Variants in TMIE observed in about 807,000 individuals in gnomAD.
TMIE encodes transmembrane inner ear.
TMIE carries 14 observed loss-of-function variants against 16.8 expected under a neutral mutation model. The observed-to-expected ratio is 0.83, with a 90% CI of 0.55 to 1.30. The LOEUF is 1.30. Ranked by LOEUF, TMIE falls within the 50% of genes most tolerant of loss-of-function variation. TMIE has a pLI of 0.00. For missense variants in TMIE, 204 were observed against 205.9 expected, an observed-to-expected ratio of 0.99 and a Z score of 0.06; for synonymous variants, 75 against 87.2, an observed-to-expected ratio of 0.86 and a Z score of 0.78.
intron 2 of TMIE, among the ~76,000 whole-genome samples, chr3:46,707,354 G>A (rs572295687): frequency 5.9e-5 from 9 of 152,220 alleles, no homozygotes; most frequent in Non-Finnish European, 1.3e-4. Context: ...CAACCACACA[G>A]ACCATCTCTA....
chr3:46,708,807 T>C (rs929254992), intron 2 of TMIE, among the ~76,000 whole-genome samples: 13 of 152,362 alleles, frequency 8.5e-5, no homozygotes, highest in Admixed American at 8.5e-4. Flanking sequence ...TAAGTCATGG[T>C]GCAGACCTCT....
intron 1 of TMIE, among the ~76,000 whole-genome samples, chr3:46,705,423 G>A (rs1424159175): frequency 1.3e-5 from 2 of 152,148 alleles, no homozygotes; most frequent in South Asian, 2.1e-4. Flanking sequence ...CCCAGGCCTC[G>A]CCTTGTCTCT....
intron 1 of TMIE, among the ~76,000 whole-genome samples, chr3:46,704,729 C>G (rs1229111632): frequency 1.6e-5 from 1 of 60,990 alleles, no homozygotes; most frequent in South Asian, 5.0e-4. Context: ...GACCATGTCC[C>G]CTAGACACCC....
intron 2 of TMIE, among the ~76,000 whole-genome samples, 172 bp from the exon 3 acceptor site, chr3:46,708,954 C>T (rs567405922): frequency 1.3e-5 from 2 of 152,342 alleles, no homozygotes; most frequent in Middle Eastern, 3.4e-3. Context: ...AGGAAAGCCA[C>T]CTTGGTCATC....
chr3:46,706,212 G>A (rs1175055894), intron 2 of TMIE, among the ~76,000 whole-genome samples: 1 of 152,192 alleles, frequency 6.6e-6, no homozygotes, highest in African/African-American at 2.4e-5. Context: ...CCTATGGCTG[G>A]CCTCCTGATG....
chr3:46,697,294 C>T (rs1418574294), upstream of TMIE, among the ~76,000 whole-genome samples: 6 of 152,218 alleles, frequency 3.9e-5, no homozygotes, highest in Non-Finnish European at 7.3e-5. Context: ...TGCCCCAAGT[C>T]AGGACCCTAA....
chr3:46,702,047 A>G (rs1700483646), intron 1 of TMIE, among the ~76,000 whole-genome samples: 1 of 152,082 alleles, frequency 6.6e-6, no homozygotes, highest in African/African-American at 2.4e-5. Context: ...TGTTCCAGGG[A>G]CCCCTGTCTA....
At chr3:46,705,465 T>C (rs1472241886) in intron 1 of TMIE, among the ~76,000 whole-genome samples, 2 of 152,130 alleles carry the variant, frequency 1.3e-5, no homozygotes, top group Non-Finnish European at 2.9e-5. Context: ...TCTGCCTGGG[T>C]GGAGCCCAGG....
intron 1 of TMIE, among the ~76,000 whole-genome samples, chr3:46,704,606 G>T (rs1156539778): frequency 6.6e-6 from 1 of 150,938 alleles, no homozygotes; most frequent in Non-Finnish European, 1.5e-5. Context: ...AGACACCCAG[G>T]GTGGACCATG....
intron 3 of TMIE, 97 bp from the exon 4 acceptor site, chr3:46,709,482 A>G: frequency 6.2e-7 from 1 of 1,611,494 alleles, no homozygotes; most frequent in Non-Finnish European, 8.5e-7. Flanking sequence ...AGAAAAAGGC[A>G]GAGTGTAGGA....
upstream of TMIE, among the ~76,000 whole-genome samples, chr3:46,700,180 G>A (rs982052089): frequency 3.9e-5 from 6 of 152,220 alleles, no homozygotes; most frequent in African/African-American, 1.4e-4. Context: ...TCAGTCCCCA[G>A]ACTTTACCTC....
chr3:46,702,895 A>G lies in TMIE; in HGVS notation c.93+1315A>G, dbSNP rs551956644. ...TGTGAGGCGTACTTGGGCCCCTCAC[A>G]GGCTGCCCTGAGGCCTGGGTACAGA... On this transcript the variant is annotated intron_variant, in intron 1 of 3. Transcript: ENST00000643606. Among the ~76,000 whole-genome samples the G allele has an allele frequency of 1.9e-3, 282 of 152,226 alleles. 6 individuals are homozygous for G. The highest frequency in any genetic ancestry group is 2.1e-4 in the Non-Finnish European group (14 of 67,984).
rs1264587497 is a variant in TMIE, at chr3:46,710,622, C to T, written c.*934C>T. The T allele has an allele frequency of 1.3e-5, 2 of 152,250 alleles. No individual in the cohort carries two copies. The highest frequency in any genetic ancestry group is 4.8e-5 in the African/African-American group (2 of 41,438). 9.4% of individuals were successfully genotyped at this position (152,250 alleles called of 1,614,324 possible). The stretch of plus-strand genomic sequence containing the variant: ...CTTCTGCCTGCTGACCATAACAGTG[C>T]CAGCTTCTTTGCAGCTTCCTCTTCT... On this transcript the variant is annotated 3_prime_UTR_variant, in exon 4 of 4. Transcript: ENST00000643606.
Position 46,709,924 on chromosome 3 carries a change from T to A in TMIE, c.*236T>A. ...TCACCCCATCCACATGGGTACTGTC[T>A]CGGCAGAGGTGGTCTGGTGCCACCG... On this transcript the variant is annotated 3_prime_UTR_variant, in exon 4 of 4. Coordinates refer to ENST00000643606, the MANE Select transcript of TMIE (RefSeq NM_147196.3). The A allele has an allele frequency of 1.4e-6, 1 of 724,914 alleles. No homozygotes were observed. The highest frequency in any genetic ancestry group is 2.2e-6 in the Non-Finnish European group (1 of 456,174). 44.9% of individuals were successfully genotyped at this position (724,914 alleles called of 1,614,324 possible). A position where few individuals can be genotyped will look rare whatever the true frequency, so the allele number is the denominator to read the frequency against.
chr3:46,705,049 G>A (rs565668382), intron 1 of TMIE, among the ~76,000 whole-genome samples: 3 of 152,132 alleles, frequency 2.0e-5, no homozygotes, highest in African/African-American at 4.8e-5. Flanking sequence ...AACTGGGGCA[G>A]GACTGTGTCC....
At chr3:46,704,300 C>CCCAGGGCAGGACCATGTCCCTAGACAA in intron 1 of TMIE, among the ~76,000 whole-genome samples, 1 of 148,938 alleles carries the variant, frequency 6.7e-6, no homozygotes, top group Non-Finnish European at 1.5e-5. Context: ...TCCCTAGACA[C>CCCAGGGCAGGACCATGTCCCTAGACAA]CCAGGGCAGG....
At chr3:46,701,259 A>G (rs7430680), upstream of TMIE, 61 of 361,732 alleles carry the variant, frequency 1.7e-4, no homozygotes, top group Non-Finnish European at 2.1e-4. The surrounding 1 kb of genome is among the most constrained non-coding windows in gnomAD (Gnocchi z 4.3). Flanking sequence ...AGGTGGGGGC[A>G]GGGAGGGGGA....
upstream of TMIE, chr3:46,694,463 C>G (rs1346565429): frequency 6.6e-6 from 1 of 152,308 alleles, no homozygotes; most frequent in Non-Finnish European, 1.5e-5. Context: ...ACCCATTGCT[C>G]TCAGTGGCAC....
rs1285509468 is a variant in TMIE at position 46,709,721 on chromosome 3, T to C, written c.*33T>C. Reference sequence around the variant, plus strand: ...CTGGGCAGCTTGGGCTGGCGGGCCCTGGAGCTCAAGCCGTGGCCGGGGTCC... The same window carrying C: ...CTGGGCAGCTTGGGCTGGCGGGCCCCGGAGCTCAAGCCGTGGCCGGGGTCC... On this transcript the variant is annotated 3_prime_UTR_variant, in exon 4 of 4. Coordinates refer to ENST00000643606, the MANE Select transcript of TMIE (RefSeq NM_147196.3). 4 of 1,613,024 alleles carry C rather than the reference T, an allele frequency of 2.5e-6. No homozygotes were observed. The highest frequency in any genetic ancestry group is 3.4e-6 in the Non-Finnish European group (4 of 1,179,618).
Sources: gnomAD v4.1 joint callset for allele counts (sites outside exome capture counted in the v4.1 genomes callset) on GRCh38, gnomAD v4.1.1 for gene constraint, Gnocchi (gnomAD v3.1) non-coding constraint, MANE v1.5 for transcripts, NCBI Gene and HGNC (gene_info 2026-07-23, HGNC 2026-07-21) for gene names.